The following LIG1 variants were observed in gnomAD, a reference collection of about 807,000 sequenced individuals.
LIG1 encodes the protein ligase I, DNA, ATP-dependent.
LIG1 carries 70 observed loss-of-function variants against 115.7 expected under a neutral mutation model. That is an observed-to-expected ratio of 0.60 (90% CI 0.50 to 0.74). LIG1 has a LOEUF of 0.74. LIG1 is among the 30% of genes least tolerant of loss of function. The pLI is 0.00. For missense variants in LIG1, 1,115 were observed against 1,225.6 expected (o/e 0.91, Z 1.35); for synonymous variants, 487 against 495.3 (o/e 0.98, Z 0.22).
At chr19:48,143,080 G>A (rs1415565643) in intron 11 of LIG1, among the ~76,000 whole-genome samples, 2 of 152,220 alleles carry the variant, frequency 1.3e-5, no homozygotes, top group Admixed American at 6.5e-5. Context: ...AGAAGGACCA[G>A]GGTGGGGCAG....
chr19:48,120,328 G>A (rs2033176370), intron 24 of LIG1: 1 of 985,242 alleles, frequency 1.0e-6, no homozygotes, highest in South Asian at 4.7e-5. Flanking sequence ...TGAAAACAAA[G>A]TACTTCCAGG....
At chr19:48,161,843 T>TTTTGGTG (rs2036195748) in intron 3 of LIG1, among the ~76,000 whole-genome samples, 1 of 149,338 alleles carries the variant, frequency 6.7e-6, no homozygotes. Context: ...TTTTTTTTTT[T>TTTTGGTG]GAGATGGAAT....
chr19:48,169,743 T>C (rs3730842), intron 1 of LIG1: 23,375 of 117,984 alleles, frequency 0.2, 2,250 homozygotes, highest in African/African-American at 0.33. Flanking sequence ...GCACTTCCGG[T>C]TCCCAGCCAG....
chr19:48,130,160 C>G (rs1190191823), intron 19 of LIG1, among the ~76,000 whole-genome samples: 1 of 152,200 alleles, frequency 6.6e-6, no homozygotes, highest in East Asian at 1.9e-4. Flanking sequence ...CAGCATAGTG[C>G]ACACTGAAAA....
intron 1 of LIG1, chr19:48,169,770 T>G (rs1174205818): frequency 1.8e-5 from 1 of 55,062 alleles, no homozygotes; most frequent in Non-Finnish European, 3.4e-5. Context: ...CCTTGGCACC[T>G]CCCCCTTCCA....
chr19:48,117,825 CAA>C, intron 25 of LIG1, 44 bp from the exon 26 acceptor site: 1 of 1,605,696 alleles, frequency 6.2e-7, no homozygotes, highest in South Asian at 1.1e-5. Flanking sequence ...TCTGGAATCT[CAA>C]AGTCAAGGCC....
rs771148838 is a variant in LIG1 at position 48,149,729 on chromosome 19, C to A, written c.776+34G>T. On this transcript the variant is annotated intron_variant, in intron 9 of 27. Coordinates refer to ENST00000263274, the MANE Select transcript of LIG1 (RefSeq NM_000234.3). ...GGAATGCAGAGAAGGGAACACATCC[C>A]GAAGAACCTTTCCAGACCTGGACAC... 4.1e-5 allele frequency: 65 copies of A among 1,576,966 alleles called. No individual in the cohort carries two copies. In the South Asian group the frequency reaches 6.7e-4, roughly 16 times the overall value.
chr19:48,143,423 C>G, intron 11 of LIG1, 120 bp downstream of exon 11: 1 of 925,370 alleles, frequency 1.1e-6, no homozygotes, highest in South Asian at 1.3e-5. Context: ...GATCATACGC[C>G]CGAGCGGGGT....
At chr19:48,149,965 G>T in intron 8 of LIG1, 123 bp downstream of exon 8, 2 of 1,568,054 alleles carry the variant, frequency 1.3e-6, no homozygotes, top group Non-Finnish European at 1.7e-6. Context: ...TAGAGACAAG[G>T]CCGACTTTCC....
At chr19:48,141,090 G>A (rs576650978) in intron 11 of LIG1, among the ~76,000 whole-genome samples, 13 of 152,358 alleles carry the variant, frequency 8.5e-5, no homozygotes, top group South Asian at 2.1e-4. Flanking sequence ...CCAGAGAAAC[G>A]ACAGCTGATG....
At chr19:48,124,342 C>A (rs953724830) in intron 21 of LIG1, among the ~76,000 whole-genome samples, 2 of 152,236 alleles carry the variant, frequency 1.3e-5, no homozygotes, top group African/African-American at 2.4e-5. Context: ...TACATCCCAG[C>A]CACACGCTTC....
intron 21 of LIG1, 193 bp downstream of exon 21, chr19:48,127,084 T>G: frequency 1.7e-6 from 1 of 603,120 alleles, no homozygotes; most frequent in South Asian, 1.9e-5. Flanking sequence ...AGAGGGACCT[T>G]GAAGATGTCC....
At chr19:48,120,927 A>C in intron 24 of LIG1, 1 of 1,344,274 alleles carries the variant, frequency 7.4e-7, no homozygotes, top group Non-Finnish European at 9.5e-7. Context: ...AGCCACCACT[A>C]TTTGTAGCTA....
At chr19:48,163,913 C>G (rs1272535964) in intron 2 of LIG1, among the ~76,000 whole-genome samples, 1 of 147,006 alleles carries the variant, frequency 6.8e-6, no homozygotes, top group East Asian at 2.0e-4. Flanking sequence ...CCACTGCACT[C>G]CAGCCTGGGC....
chr19:48,146,015 T>G (rs2035088144), intron 9 of LIG1: 1 of 152,246 alleles, frequency 6.6e-6, no homozygotes, highest in Admixed American at 6.5e-5. Context: ...TTGTGAGGAT[T>G]TGGAGCATTG....
intron 14 of LIG1, among the ~76,000 whole-genome samples, chr19:48,136,532 C>T (rs1455025284): frequency 1.3e-5 from 2 of 152,158 alleles, no homozygotes; most frequent in Non-Finnish European, 2.9e-5. Context: ...TAGTTTGCCT[C>T]CCCATGTCTC....
chr19:48,124,483 C>T (rs1389412834), intron 21 of LIG1, among the ~76,000 whole-genome samples: 1 of 152,174 alleles, frequency 6.6e-6, no homozygotes, highest in African/African-American at 2.4e-5. Flanking sequence ...GTAGCCGCCA[C>T]CAGCCATGTG....
Position 48,137,402 on chromosome 19 carries a change from C to T in LIG1, c.1254+120G>A. Reference sequence around the variant, plus strand: ...AGGAAGGAGGAGAGGAAGCTGTGCACCCCATGAGAAGGACTGATGCGACCC... The same window carrying T: ...AGGAAGGAGGAGAGGAAGCTGTGCATCCCATGAGAAGGACTGATGCGACCC... On this transcript the variant is annotated intron_variant, in intron 13 of 27. Coordinates refer to ENST00000263274, the MANE Select transcript of LIG1 (RefSeq NM_000234.3). The surrounding 1 kb of genome is among the most constrained non-coding windows in gnomAD (Gnocchi z 4.3). 7.8e-7 allele frequency: 1 copy of T among 1,284,558 alleles called. No homozygotes were observed. The highest frequency in any genetic ancestry group is 1.1e-6 in the Non-Finnish European group (1 of 919,336). 79.6% of individuals were successfully genotyped at this position (1,284,558 alleles called of 1,614,324 possible).
chr19:48,115,509 AC>A lies in LIG1; in HGVS notation c.*139del. 1 of 682,682 alleles carries A rather than the reference AC, an allele frequency of 1.5e-6. No individual in the cohort carries two copies. Among genetic ancestry groups the A allele is most frequent in the East Asian group, 2.7e-5 (1 of 36,766 alleles). 42.3% of individuals were successfully genotyped at this position (682,682 alleles called of 1,614,324 possible). Reference sequence around the variant, plus strand: ...TGAATCCCAGACTCCGGAGTAAGCCACCCCCTCACACACACACCCCTCCCCT... The same window carrying A: ...TGAATCCCAGACTCCGGAGTAAGCCACCCCTCACACACACACCCCTCCCCT... On this transcript the variant is annotated 3_prime_UTR_variant, in exon 28 of 28. Transcript: ENST00000263274.
Sources: gnomAD v4.1 joint callset for allele counts (sites outside exome capture counted in the v4.1 genomes callset) on GRCh38, gnomAD v4.1.1 for gene constraint, Gnocchi (gnomAD v3.1) non-coding constraint, MANE v1.5 for transcripts, NCBI Gene and HGNC (gene_info 2026-07-23, HGNC 2026-07-21) for gene names.